The following PLCB1 variants were observed in gnomAD, a reference collection of about 807,000 sequenced individuals.
PLCB1 encodes the protein 1-phosphatidylinositol 4,5-bisphosphate phosphodiesterase beta-1.
Under a neutral mutation model 161.8 loss-of-function variants are expected in PLCB1, and 46 were observed. The ratio of observed to expected loss-of-function variants is 0.28; its 90% confidence interval spans 0.22 to 0.36. The LOEUF (loss-of-function observed/expected upper bound fraction) is 0.36. Among genes scored for constraint, PLCB1 ranks in the 10% least tolerant of loss-of-function variants. The pLI is 1.00. For synonymous variants in PLCB1, 517 were observed against 503.7 expected, an observed-to-expected ratio of 1.03 and a Z score of -0.35; for missense variants, 1,016 against 1,472.5, an observed-to-expected ratio of 0.69 and a Z score of 5.07.
chr20:8,177,547 A>G (rs560909499), intron 2 of PLCB1, among the ~76,000 whole-genome samples: 1 of 152,196 alleles, frequency 6.6e-6, no homozygotes, highest in South Asian at 2.1e-4. Flanking sequence ...ACTCCCTCCT[A>G]TAAGACACAA....
At chr20:8,492,486 G>A (rs1982988463) in intron 3 of PLCB1, among the ~76,000 whole-genome samples, 1 of 151,916 alleles carries the variant, frequency 6.6e-6, no homozygotes, top group African/African-American at 2.4e-5. Flanking sequence ...GTGTGTGTTT[G>A]TGTGTGTGTG....
intron 2 of PLCB1, among the ~76,000 whole-genome samples, chr20:8,287,928 A>T: frequency 6.6e-6 from 1 of 152,180 alleles, no homozygotes; most frequent in Non-Finnish European, 1.5e-5. Context: ...TGTGTGTTGG[A>T]CGCAGCCATT....
intron 27 of PLCB1, among the ~76,000 whole-genome samples, chr20:8,778,033 A>G (rs1359591883): frequency 6.6e-6 from 1 of 152,080 alleles, no homozygotes; most frequent in African/African-American, 2.4e-5. Context: ...CCCGCCCACA[A>G]CATGTGGGAA....
At chr20:8,340,445 C>T (rs1343461144) in intron 2 of PLCB1, among the ~76,000 whole-genome samples, 2 of 151,826 alleles carry the variant, frequency 1.3e-5, no homozygotes, top group Admixed American at 1.3e-4. Context: ...GTTTTTGAGA[C>T]GGAGTCTCGC....
rs993065760 is a variant in PLCB1, at chr20:8,286,389, T to C, written c.178-84993T>C. 9.2e-5 allele frequency among the ~76,000 whole-genome samples: 14 copies of C among 152,334 alleles called. No individual in the cohort carries two copies. In the South Asian group the frequency reaches 2.9e-3, roughly 32 times the overall value. On this transcript the variant is annotated intron_variant, in intron 2 of 31. Transcript: ENST00000338037. ...ACGTGAATGCCATTAACTTAGCCTGTTTACTGCCCTGATTCCTGATTTCTC... is the reference window on the plus strand; with the variant it reads ...ACGTGAATGCCATTAACTTAGCCTGCTTACTGCCCTGATTCCTGATTTCTC...
At chr20:8,469,073 A>G (rs565313399) in intron 3 of PLCB1, among the ~76,000 whole-genome samples, 66 of 152,254 alleles carry the variant, frequency 4.3e-4, no homozygotes, top group Non-Finnish European at 7.6e-4. Flanking sequence ...CTACCGTCCT[A>G]TGGACCACAC....
chr20:8,746,489 C>G (rs1981179744), intron 23 of PLCB1, among the ~76,000 whole-genome samples: 4 of 152,018 alleles, frequency 2.6e-5, no homozygotes, highest in Admixed American at 2.6e-4. Context: ...TACTGTATAT[C>G]TGACACTATG....
At chr20:8,655,352 T>C (rs1047179731) in intron 7 of PLCB1, among the ~76,000 whole-genome samples, 4 of 152,148 alleles carry the variant, frequency 2.6e-5, no homozygotes, top group African/African-American at 9.6e-5. Context: ...CTACTGTATG[T>C]GGCACACTGG....
intron 2 of PLCB1, among the ~76,000 whole-genome samples, chr20:8,320,100 A>C (rs887119444): frequency 6.6e-6 from 1 of 152,178 alleles, no homozygotes; most frequent in Non-Finnish European, 1.5e-5. Flanking sequence ...TTGGCTGCCT[A>C]GATATCCCAG....
intron 3 of PLCB1, among the ~76,000 whole-genome samples, chr20:8,446,995 G>A (rs141030588): frequency 2.3e-3 from 344 of 152,238 alleles, no homozygotes; most frequent in African/African-American, 7.3e-3. Context: ...TTCTAGATAC[G>A]TAGAATAGAA....
chr20:8,739,395 G>T, intron 21 of PLCB1, 35 bp downstream of exon 21: 1 of 1,301,748 alleles, frequency 7.7e-7, no homozygotes, highest in South Asian at 1.2e-5. Context: ...TTTTATCAAA[G>T]TTGCAAAGAA....
chr20:8,440,609 T>C (rs1381477162), intron 3 of PLCB1, among the ~76,000 whole-genome samples: 1 of 152,178 alleles, frequency 6.6e-6, no homozygotes, highest in Non-Finnish European at 1.5e-5. Context: ...GTTTGTATAT[T>C]ATGGCTAGAA....
At chr20:8,600,935 G>A (rs1987559479) in intron 3 of PLCB1, among the ~76,000 whole-genome samples, 1 of 152,168 alleles carries the variant, frequency 6.6e-6, no homozygotes, top group Admixed American at 6.5e-5. Context: ...TCCCAAGTGA[G>A]GCAATGCCTC....
At chr20:8,219,367 G>A (rs1979295392) in intron 2 of PLCB1, among the ~76,000 whole-genome samples, 1 of 152,140 alleles carries the variant, frequency 6.6e-6, no homozygotes, top group African/African-American at 2.4e-5. Context: ...GCAATGTTGG[G>A]ACTGCTGTGG....
At chr20:8,482,994 C>A (rs1229547916) in intron 3 of PLCB1, among the ~76,000 whole-genome samples, 1 of 151,620 alleles carries the variant, frequency 6.6e-6, no homozygotes, top group East Asian at 1.9e-4. Context: ...ATGTGGGAGA[C>A]ATTTTTCTCT....
At chr20:8,347,478 G>C (rs184149166) in intron 2 of PLCB1, among the ~76,000 whole-genome samples, 50 of 152,264 alleles carry the variant, frequency 3.3e-4, no homozygotes, top group African/African-American at 9.4e-4. Context: ...ATTGGAGCTA[G>C]GTGATATGTC....
chr20:8,718,665 C>G (rs569122127), intron 14 of PLCB1, among the ~76,000 whole-genome samples: 114 of 152,304 alleles, frequency 7.5e-4, no homozygotes, highest in Admixed American at 2.5e-3. Context: ...GCTCCCATGT[C>G]AAGGTCTTTA....
chr20:8,145,026 G>T lies in PLCB1; in HGVS notation c.100-5268G>T, dbSNP rs1187104339. Among the ~76,000 whole-genome samples the T allele has an allele frequency of 4.7e-4, 72 of 152,168 alleles. 1 individual carries two copies. Among genetic ancestry groups the T allele is most frequent in the Non-Finnish European group, 1.0e-4 (7 of 68,030 alleles). On this transcript the variant is annotated intron_variant, in intron 1 of 31. Coordinates refer to ENST00000338037, the MANE Select transcript of PLCB1 (RefSeq NM_015192.4). Reference sequence around the variant, plus strand: ...GACTGGCCCTTGACATGAGCCTTGAGGTTTAGGGTTATGCTTTGTAGTAGT... The same window carrying T: ...GACTGGCCCTTGACATGAGCCTTGATGTTTAGGGTTATGCTTTGTAGTAGT...
intron 4 of PLCB1, among the ~76,000 whole-genome samples, chr20:8,633,541 A>T (rs1988669295): frequency 6.6e-6 from 1 of 152,172 alleles, no homozygotes; most frequent in South Asian, 2.1e-4. Context: ...GTAGATAGAG[A>T]TGTCCAAGGG....
Sources: gnomAD v4.1 joint callset for allele counts (sites outside exome capture counted in the v4.1 genomes callset) on GRCh38, gnomAD v4.1.1 for gene constraint, MANE v1.5 for transcripts, NCBI Gene and HGNC (gene_info 2026-07-23, HGNC 2026-07-21) for gene names.